The following GNG2 variants were observed in gnomAD, a reference collection of about 807,000 sequenced individuals.
GNG2 encodes the protein G protein subunit gamma 2.
In GNG2, 5 loss-of-function variants were observed where a neutral mutation model predicts 5.5. The ratio of observed to expected loss-of-function variants is 0.91; its 90% CI spans 0.48 to 1.92. GNG2 has a LOEUF of 1.92. Among genes scored for constraint, GNG2 ranks in the 30% most tolerant of loss-of-function variants. The pLI, the probability that GNG2 is intolerant of heterozygous loss-of-function variation, is 0.01. For synonymous variants in GNG2, 28 were observed against 32.0 expected (o/e 0.88, Z 0.42); for missense variants, 55 against 88.4 (o/e 0.62, Z 1.52).
chr14:51,869,080 C>G (rs940847757), intron 1 of GNG2, among the ~76,000 whole-genome samples: 1 of 152,188 alleles, frequency 6.6e-6, no homozygotes, highest in Non-Finnish European at 1.5e-5. Flanking sequence ...TCAGACCACA[C>G]AGAGTAAAGA....
At chr14:51,869,493 GTGCAGCAGA>G (rs1370683541) in intron 1 of GNG2, among the ~76,000 whole-genome samples, 3 of 152,140 alleles carry the variant, frequency 2.0e-5, no homozygotes, top group African/African-American at 7.2e-5. Flanking sequence ...GCATATCAAG[GTGCAGCAGA>G]TTTCTTATGT....
chr14:51,839,845 A>G (rs1881435922), intron 2 of GNG2, among the ~76,000 whole-genome samples: 1 of 152,240 alleles, frequency 6.6e-6, no homozygotes, highest in South Asian at 2.1e-4. Flanking sequence ...CTTTACTTTT[A>G]GTCATTCAAT....
intron 1 of GNG2, among the ~76,000 whole-genome samples, chr14:51,869,206 C>A (rs1883136307): frequency 1.3e-5 from 2 of 152,150 alleles, no homozygotes; most frequent in South Asian, 4.1e-4. Flanking sequence ...TTAAAAATAA[C>A]CCTACGAAAT....
intron 2 of GNG2, among the ~76,000 whole-genome samples, chr14:51,937,816 C>T (rs1888101785): frequency 6.6e-6 from 1 of 152,082 alleles, no homozygotes; most frequent in African/African-American, 2.4e-5. Flanking sequence ...GTTACCAGCC[C>T]TCCTTGTACT....
chr14:51,848,235 T>C (rs1216270112), intron 2 of GNG2, among the ~76,000 whole-genome samples: 1 of 152,128 alleles, frequency 6.6e-6, no homozygotes, highest in African/African-American at 2.4e-5. Flanking sequence ...ACATCATCTT[T>C]CTAAATTCCA....
At chr14:51,832,188 G>A (rs1235360627) in intron 2 of GNG2, among the ~76,000 whole-genome samples, 1 of 152,062 alleles carries the variant, frequency 6.6e-6, no homozygotes, top group Non-Finnish European at 1.5e-5. Context: ...GCTGTAGTGG[G>A]AGGATCACTT....
intron 2 of GNG2, among the ~76,000 whole-genome samples, chr14:51,893,494 T>C (rs1884992331): frequency 6.6e-6 from 1 of 152,334 alleles, no homozygotes; most frequent in South Asian, 2.1e-4. Context: ...AGTAATACTT[T>C]GTCCGCTTTA....
chr14:51,854,324 C>A (rs941377175), intron 2 of GNG2, among the ~76,000 whole-genome samples: 1 of 152,150 alleles, frequency 6.6e-6, no homozygotes, highest in Admixed American at 6.5e-5. Flanking sequence ...CCAACTTCTG[C>A]TGGTGGAGGA....
chr14:51,898,953 T>C (rs1409351745), intron 2 of GNG2, among the ~76,000 whole-genome samples: 1 of 152,120 alleles, frequency 6.6e-6, no homozygotes, highest in Non-Finnish European at 1.5e-5. Flanking sequence ...TCAGCAGCAG[T>C]GAGGAAAGAT....
At chr14:51,935,072 C>T (rs1384734761) in intron 2 of GNG2, among the ~76,000 whole-genome samples, 13 of 146,588 alleles carry the variant, frequency 8.9e-5, no homozygotes, top group African/African-American at 1.3e-4. Context: ...TTGCCCAGGC[C>T]GCAGTGCAGT....
chr14:51,963,828 A>G (rs769898806), intron 3 of GNG2, among the ~76,000 whole-genome samples: 6 of 152,246 alleles, frequency 3.9e-5, no homozygotes, highest in Non-Finnish European at 8.8e-5. Context: ...AGATCAAAAG[A>G]GGAAATTTAA....
chr14:51,949,657 T>C (rs1168775032), intron 2 of GNG2, among the ~76,000 whole-genome samples: 3 of 152,190 alleles, frequency 2.0e-5, no homozygotes, highest in Non-Finnish European at 4.4e-5. Context: ...CTTTATCCAA[T>C]AGGATATCAG....
intron 2 of GNG2, among the ~76,000 whole-genome samples, chr14:51,838,524 G>T (rs1265312598): frequency 2.0e-5 from 3 of 151,982 alleles, no homozygotes; most frequent in Non-Finnish European, 4.4e-5. Flanking sequence ...GTCCAAATCC[G>T]ACATAACAAA....
chr14:51,927,983 C>CCTCT (rs1379220634), intron 2 of GNG2, among the ~76,000 whole-genome samples: 1 of 151,442 alleles, frequency 6.6e-6, no homozygotes, highest in African/African-American at 2.4e-5. Context: ...TACCAAGTCT[C>CCTCT]CTCTGAAGTC....
chr14:51,850,924 C>T (rs915454655), intron 2 of GNG2, among the ~76,000 whole-genome samples: 1 of 152,306 alleles, frequency 6.6e-6, no homozygotes, highest in South Asian at 2.1e-4. Flanking sequence ...GATCAAAACA[C>T]CTCCCACCAG....
At chr14:51,941,774 GA>G (rs1178228895) in intron 2 of GNG2, among the ~76,000 whole-genome samples, 1 of 152,056 alleles carries the variant, frequency 6.6e-6, no homozygotes, top group Non-Finnish European at 1.5e-5. Flanking sequence ...TGTGTTTTTA[GA>G]AAATGAAATC....
At chr14:51,885,678 A>C (rs1884410166) in intron 2 of GNG2, among the ~76,000 whole-genome samples, 1 of 152,182 alleles carries the variant, frequency 6.6e-6, no homozygotes, top group Non-Finnish European at 1.5e-5. Context: ...TTTTACTTAA[A>C]AGACCTTTAC....
At chr14:51,836,855 T>TC (rs1263941188) in intron 2 of GNG2, among the ~76,000 whole-genome samples, 1 of 90,752 alleles carries the variant, frequency 1.1e-5, no homozygotes, top group Non-Finnish European at 2.5e-5. Context: ...AGTGACTTCA[T>TC]CTTTTTTTTT....
intron 2 of GNG2, among the ~76,000 whole-genome samples, chr14:51,929,378 G>T (rs896074905): frequency 6.6e-6 from 1 of 152,180 alleles, no homozygotes; most frequent in African/African-American, 2.4e-5. Context: ...ATTTGCTGCA[G>T]AAGTGAAAAG....
Sources: gnomAD v4.1 joint callset for allele counts (sites outside exome capture counted in the v4.1 genomes callset) on GRCh38, gnomAD v4.1.1 for gene constraint, MANE v1.5 for transcripts, NCBI Gene and HGNC (gene_info 2026-07-23, HGNC 2026-07-21) for gene names.